The following ATRNL1 variants were observed in gnomAD, a reference collection of about 807,000 sequenced individuals.
ATRNL1 encodes attractin-like protein 1.
A neutral mutation model predicts 182.7 loss-of-function variants in ATRNL1; 95 were observed. That is an observed-to-expected ratio of 0.52 (90% CI 0.44 to 0.62). ATRNL1 has a LOEUF of 0.62. Among genes scored for constraint, ATRNL1 ranks in the 20% least tolerant of loss-of-function variants. The pLI, the probability that ATRNL1 is intolerant of heterozygous loss-of-function variation, is 0.00. For synonymous variants in ATRNL1, 576 were observed against 568.3 expected (o/e 1.01, Z -0.19); for missense variants, 1,471 against 1,679.5 (o/e 0.88, Z 2.17).
At chr10:115,109,789 G>C (rs1222640259) in intron 1 of ATRNL1, among the ~76,000 whole-genome samples, 3 of 152,152 alleles carry the variant, frequency 2.0e-5, no homozygotes, top group South Asian at 2.1e-4. Flanking sequence ...CAGCACACAT[G>C]ACCTAGCTCA....
intron 21 of ATRNL1, among the ~76,000 whole-genome samples, chr10:115,452,127 G>A (rs1167990561): frequency 3.9e-5 from 6 of 152,078 alleles, no homozygotes; most frequent in African/African-American, 9.7e-5. Flanking sequence ...AATGGGAAGC[G>A]GGAGAGACAG....
intron 26 of ATRNL1, among the ~76,000 whole-genome samples, chr10:115,584,069 A>G (rs1225829412): frequency 2.3e-4 from 35 of 151,974 alleles, no homozygotes; most frequent in African/African-American, 8.4e-4. Flanking sequence ...ATTTGCGTGT[A>G]TTCAACCAGC....
chr10:115,311,402 T>C (rs1554927770), intron 17 of ATRNL1, among the ~76,000 whole-genome samples: 1 of 152,144 alleles, frequency 6.6e-6, no homozygotes, highest in Non-Finnish European at 1.5e-5. Context: ...TTGGTCAGGC[T>C]GGTCTCAAAC....
At chr10:115,649,135 T>C (rs1859823840) in intron 26 of ATRNL1, among the ~76,000 whole-genome samples, 1 of 152,180 alleles carries the variant, frequency 6.6e-6, no homozygotes, top group Admixed American at 6.6e-5. Context: ...ATAGTGACGC[T>C]TTGTTTTATT....
chr10:115,792,948 G>A (rs1358557812), intron 27 of ATRNL1, among the ~76,000 whole-genome samples: 1 of 151,926 alleles, frequency 6.6e-6, no homozygotes, highest in Non-Finnish European at 1.5e-5. Flanking sequence ...CCAGTTCTTT[G>A]AGAGACATGT....
intron 20 of ATRNL1, among the ~76,000 whole-genome samples, chr10:115,401,096 G>T (rs558493357): frequency 1.2e-4 from 18 of 151,896 alleles, no homozygotes; most frequent in Admixed American, 9.9e-4. Context: ...AGATGGAATA[G>T]CACCCCCTAG....
At chr10:115,735,661 T>C (rs1208818951) in intron 27 of ATRNL1, among the ~76,000 whole-genome samples, 6 of 152,238 alleles carry the variant, frequency 3.9e-5, no homozygotes, top group Non-Finnish European at 7.3e-5. Context: ...AGTACTATGA[T>C]ACTACAAAGC....
intron 5 of ATRNL1, among the ~76,000 whole-genome samples, chr10:115,143,140 T>C (rs530878378): frequency 1.7e-4 from 26 of 152,212 alleles, no homozygotes; most frequent in African/African-American, 6.3e-4. Context: ...AAAGTTAGCA[T>C]AGAGAGAGAG....
intron 17 of ATRNL1, among the ~76,000 whole-genome samples, chr10:115,307,478 T>TGG (rs1853792342): frequency 2.0e-5 from 3 of 152,104 alleles, no homozygotes; most frequent in African/African-American, 7.2e-5. Context: ...GCCAGGCTGG[T>TGG]CTTGAACTCC....
intron 18 of ATRNL1, among the ~76,000 whole-genome samples, chr10:115,330,547 A>G (rs1276671135): frequency 6.6e-6 from 1 of 151,772 alleles, no homozygotes; most frequent in Non-Finnish European, 1.5e-5. Flanking sequence ...AGTTTGCTCT[A>G]TACGGTATTC....
At chr10:115,713,607 G>GT (rs1198638040) in intron 26 of ATRNL1, among the ~76,000 whole-genome samples, 89 of 37,396 alleles carry the variant, frequency 2.4e-3, no homozygotes, top group African/African-American at 7.2e-3. Context: ...TGCACATTCT[G>GT]TTTATATATA....
At chr10:115,449,431 T>C (rs1241166899) in intron 21 of ATRNL1, among the ~76,000 whole-genome samples, 1 of 152,118 alleles carries the variant, frequency 6.6e-6, no homozygotes, top group Non-Finnish European at 1.5e-5. Flanking sequence ...AAATCCTCCA[T>C]ATTCACCACC....
intron 1 of ATRNL1, among the ~76,000 whole-genome samples, chr10:115,095,353 T>C (rs1043768155): frequency 7.3e-6 from 1 of 136,654 alleles, no homozygotes; most frequent in Non-Finnish European, 1.6e-5. Flanking sequence ...AAACACAGCA[T>C]ACTTTCCTTT....
At chr10:115,258,915 G>A (rs556727703) in intron 10 of ATRNL1, among the ~76,000 whole-genome samples, 29 of 152,242 alleles carry the variant, frequency 1.9e-4, no homozygotes, top group South Asian at 6.2e-4. Flanking sequence ...GGTTCACTCC[G>A]GACCCTGTTT....
chr10:115,185,284 T>C (rs1017530110), intron 8 of ATRNL1, among the ~76,000 whole-genome samples: 3 of 151,990 alleles, frequency 2.0e-5, no homozygotes, highest in Non-Finnish European at 2.9e-5. Flanking sequence ...ATATTTCCTA[T>C]GGAAAGAAAG....
In ATRNL1 at chr10:115,447,443, T is replaced by A. The variant is rs192039213; in HGVS notation, c.3323-14498T>A. Reference sequence around the variant, plus strand: ...CAATATTTATTGAGTACTTTATATATGTCAAACAGTTATAAGTACCTTTAA... The same window carrying A: ...CAATATTTATTGAGTACTTTATATAAGTCAAACAGTTATAAGTACCTTTAA... On this transcript the variant is annotated intron_variant, in intron 21 of 28. Transcript: ENST00000355044. Among the ~76,000 whole-genome samples, 14 of 151,576 alleles carry A rather than the reference T, an allele frequency of 9.2e-5. No individual in the cohort carries two copies. In the East Asian group the frequency reaches 2.5e-3, roughly 27 times the overall value.
At chr10:115,803,713 G>GT (rs1199520968) in intron 27 of ATRNL1, among the ~76,000 whole-genome samples, 1 of 151,122 alleles carries the variant, frequency 6.6e-6, no homozygotes, top group Admixed American at 6.6e-5. Flanking sequence ...ATTTTTCCAT[G>GT]TTTTTTTCTT....
At chr10:115,707,732 G>T (rs1262173630) in intron 26 of ATRNL1, among the ~76,000 whole-genome samples, 1 of 151,458 alleles carries the variant, frequency 6.6e-6, no homozygotes, top group African/African-American at 2.4e-5. Flanking sequence ...TGGTATTCCA[G>T]TTTAACCAAA....
chr10:115,332,742 T>G (rs957575750), intron 18 of ATRNL1, among the ~76,000 whole-genome samples: 4 of 152,228 alleles, frequency 2.6e-5, no homozygotes, highest in Admixed American at 6.5e-5. Flanking sequence ...ATTTTGATGA[T>G]CCTATGCTAG....
Sources: gnomAD v4.1 joint callset for allele counts (sites outside exome capture counted in the v4.1 genomes callset) on GRCh38, gnomAD v4.1.1 for gene constraint, MANE v1.5 for transcripts, NCBI Gene and HGNC (gene_info 2026-07-23, HGNC 2026-07-21) for gene names.